TMEM259: variants seen among roughly 807,000 people sequenced by gnomAD.
The protein encoded by TMEM259 is transmembrane protein 259.
Under a neutral mutation model 46.7 loss-of-function variants are expected in TMEM259, and 26 were observed. The ratio of observed to expected loss-of-function variants is 0.56; its 90% CI spans 0.41 to 0.77. The LOEUF is 0.77. Ranked by LOEUF, TMEM259 falls within the 30% of genes least tolerant of loss-of-function variation. The pLI is 0.00. For synonymous variants in TMEM259, 494 were observed against 395.1 expected (o/e 1.25, Z -2.97); for missense variants, 930 against 900.5 (o/e 1.03, Z -0.42).
chr19:1,013,220 C>T (rs1460511297), intron 3 of TMEM259, 21 bp downstream of exon 3: 3 of 1,607,916 alleles, frequency 1.9e-6, no homozygotes, highest in Non-Finnish European at 2.6e-6. Flanking sequence ...TGAGGCAGTA[C>T]ACCTTTGGTG....
chr19:1,014,558 GCGCGCTGGGA>G, intron 1 of TMEM259, 85 bp from the exon 2 acceptor site: 1 of 1,129,976 alleles, frequency 8.8e-7, no homozygotes, highest in Non-Finnish European at 1.2e-6. Flanking sequence ...GCGTGATGGG[GCGCGCTGGGA>G]CGCCCAGGAC....
chr19:1,014,432 G>A lies in TMEM259; in HGVS notation c.267C>T (p.Val89=). Residue 89 remains valine, a synonymous_variant, in exon 2 of 11, where the codon GTC becomes GTT. Transcript: ENST00000356663. ...VLFVLAYIHI[V]FSRSPINCLE... The stretch of plus-strand genomic sequence containing the variant: ...GGCAGTTGATGGGCGAGCGGGAGAA[G>A]ACGATGTGGATGTAGGCCAGGACGA... 6.2e-7 allele frequency: 1 copy of A among 1,612,022 alleles called. No individual in the cohort carries two copies. The highest frequency in any genetic ancestry group is 8.5e-7 in the Non-Finnish European group (1 of 1,179,874).
Position 1,010,698 on chromosome 19 carries a change from G to T in TMEM259, c.1515C>A (p.Val505=). 6.5e-7 allele frequency: 1 copy of T among 1,530,230 alleles called. No homozygotes were observed. The highest frequency in any genetic ancestry group is 8.7e-7 in the Non-Finnish European group (1 of 1,144,508). 94.8% of individuals were successfully genotyped at this position (1,530,230 alleles called of 1,614,324 possible). A position where few individuals can be genotyped will look rare whatever the true frequency, so the allele number is the denominator to read the frequency against. ...SAGQPPALGP[V]SPGASGSPGP... ...CGGGACTCCCGCTGGCCCCAGGCGA[G>T]ACGGGGCCCAGGGCGGGGGGCTGGC... Residue 505 remains valine (V), a synonymous_variant, in exon 11 of 11, where the codon GTC becomes GTA. Transcript: ENST00000356663.
rs553212071 is a variant in TMEM259, at chr19:1,016,037, C to T, written c.226-1564G>A. Among the ~76,000 whole-genome samples, 7 of 152,352 alleles carry T rather than the reference C, an allele frequency of 4.6e-5. 1 individual carries two copies. The South Asian group carries it at 1.4e-3, about 32-fold the overall frequency. On this transcript the variant is annotated intron_variant, in intron 1 of 10. Coordinates refer to ENST00000356663, the MANE Select transcript of TMEM259 (RefSeq NM_001033026.2). ...CCCCAGCCCCAGGAGCTGGAGAATCCCTTGGGCTGATCTGAACTGCATTTC... is the reference window on the plus strand; with the variant it reads ...CCCCAGCCCCAGGAGCTGGAGAATCTCTTGGGCTGATCTGAACTGCATTTC...
At position 1,009,944 on chromosome 19, in the gene TMEM259, CAGAGCCGGGCT is replaced by C; in HGVS notation, c.*395_*405del. 3.1e-6 allele frequency: 1 copy of C among 323,534 alleles called. No individual in the cohort carries two copies. Among genetic ancestry groups the C allele is most frequent in the Non-Finnish European group, 5.6e-6 (1 of 177,318 alleles). The allele number at this position is 323,534 out of a possible 1,614,324, so 20.0% of individuals were successfully genotyped here. A position where few individuals can be genotyped will look rare whatever the true frequency, so the allele number is the denominator to read the frequency against. On this transcript the variant is annotated 3_prime_UTR_variant, in exon 11 of 11. Transcript: ENST00000356663. ...AGAAGGCACTGCAGGGAGCACCAGG[CAGAGCCGGGCT>C]GAGGCCGGCCGGCACTAGGGCGCGA... is the stretch of plus-strand genomic sequence containing the variant.
At chr19:1,017,980 T>C (rs2039164940) in intron 1 of TMEM259, among the ~76,000 whole-genome samples, 1 of 151,952 alleles carries the variant, frequency 6.6e-6, no homozygotes, top group Admixed American at 6.5e-5. Flanking sequence ...CCCTGGGGTC[T>C]CACATACCCC....
chr19:1,012,223 G>A (rs756632385), intron 4 of TMEM259, 35 bp from the exon 5 acceptor site: 11 of 1,574,206 alleles, frequency 7.0e-6, no homozygotes, highest in South Asian at 3.5e-5. Context: ...CGGGAGCCCC[G>A]CCCAGGCCAC....
chr19:1,016,488 C>T (rs1223382301), intron 1 of TMEM259, among the ~76,000 whole-genome samples: 1 of 152,238 alleles, frequency 6.6e-6, no homozygotes, highest in African/African-American at 2.4e-5. Context: ...GCCTTCCAGG[C>T]CCACACATCC....
At chr19:1,012,363 C>T (rs1038192167) in intron 4 of TMEM259, 100 bp downstream of exon 4, 2 of 1,504,084 alleles carry the variant, frequency 1.3e-6, no homozygotes, top group Admixed American at 4.2e-5. Flanking sequence ...GACCCCAGTG[C>T]TTCCTGCACA....
intron 3 of TMEM259, 37 bp from the exon 4 acceptor site, chr19:1,012,610 A>G: frequency 1.9e-6 from 3 of 1,545,390 alleles, no homozygotes; most frequent in Non-Finnish European, 2.6e-6. Flanking sequence ...CAGCGCCCCC[A>G]CACACGTCCC....
intron 1 of TMEM259, among the ~76,000 whole-genome samples, chr19:1,015,884 C>T (rs1046588923): frequency 6.6e-6 from 1 of 152,178 alleles, no homozygotes; most frequent in Non-Finnish European, 1.5e-5. Context: ...GAGCAAAGGG[C>T]CGAGTCAGCA....
In TMEM259 at chr19:1,011,592, G is replaced by A. The variant is rs1222204966; in HGVS notation, c.1072C>T (p.Leu358=). Residue 358 remains leucine, a synonymous_variant, in exon 8 of 11, where the codon CTG becomes TTG. Coordinates refer to ENST00000356663, the MANE Select transcript of TMEM259 (RefSeq NM_001033026.2). ...GTGGGGTCCTCACCGACGAGGGCCA[G>A]GATGACGGTCAGCAGGGGCGCTGCG... ...FPAAPLLTVI[L]ALVGMEAIMS... The A allele has an allele frequency of 2.6e-6, 4 of 1,544,608 alleles. No homozygotes were observed. The highest frequency in any genetic ancestry group is 3.5e-6 in the Non-Finnish European group (4 of 1,145,414).
chr19:1,012,643 G>A (rs1280282735), intron 3 of TMEM259, 70 bp from the exon 4 acceptor site: 4 of 1,521,144 alleles, frequency 2.6e-6, no homozygotes, highest in African/African-American at 1.4e-5. Context: ...AGCAGGCAAG[G>A]CAGGCGTTGA....
In TMEM259 at chr19:1,011,883, G is replaced by A. The variant is rs1214463402; in HGVS notation, c.942+9C>T. On this transcript the variant is annotated intron_variant, in intron 6 of 10. Transcript: ENST00000356663. ...CGGCCAGCCCCCGCACCCGCCCCGA[G>A]GCACTCACGAAGATGACCATGATGG... is the stretch of plus-strand genomic sequence containing the variant. 8.7e-6 allele frequency: 14 copies of A among 1,606,386 alleles called. No individual in the cohort carries two copies. The Admixed American group carries it at 1.0e-4, about 12-fold the overall frequency.
At chr19:1,012,612 A>T in intron 3 of TMEM259, 39 bp from the exon 4 acceptor site, 2 of 1,541,936 alleles carry the variant, frequency 1.3e-6, no homozygotes, top group South Asian at 2.4e-5. Flanking sequence ...GCGCCCCCAC[A>T]CACGTCCCCC....
In TMEM259 at chr19:1,011,514, G is replaced by A. The variant is rs1030787052; in HGVS notation, c.1085-15C>T. ...GGCCTCCATCCCTGCAGGGAGAGGC[G>A]GCGCCGGTTGAAGCGGGCGGGGCGG... On this transcript the variant is annotated splice_polypyrimidine_tract_variant and intron_variant, in intron 8 of 10. Coordinates refer to ENST00000356663, the MANE Select transcript of TMEM259 (RefSeq NM_001033026.2). 5.8e-6 allele frequency: 9 copies of A among 1,545,156 alleles called. No homozygotes were observed. The highest frequency in any genetic ancestry group is 3.9e-5 in the Admixed American group (2 of 50,878).
Position 1,010,420 on chromosome 19 carries a change from C to A in TMEM259, c.1793G>T (p.Gly598Val), listed in dbSNP as rs745790852. The A allele has an allele frequency of 1.0e-5, 16 of 1,531,612 alleles. No individual in the cohort carries two copies. Among genetic ancestry groups the A allele is most frequent in the Non-Finnish European group, 1.4e-5 (16 of 1,142,062 alleles). 94.9% of individuals were successfully genotyped at this position (1,531,612 alleles called of 1,614,324 possible). Residue 598 changes from glycine (G) to valine (V), a missense_variant, in exon 11 of 11, where the codon GGG becomes GTG. Gly to Val is a moderately radical substitution (Grantham distance 109). Transcript: ENST00000356663. ...CGGGCTAGGCCCGCCTACCGCAGCC[C>A]CCAGGGGAGTTGTGTCAGAAGCTGC... is the stretch of plus-strand genomic sequence containing the variant. Reference protein sequence around the residue: ...DSAASDTTPLGAAVGGPSPAS... With the variant: ...DSAASDTTPLVAAVGGPSPAS...
At chr19:1,011,859 G>A (rs376540839) in intron 6 of TMEM259, 33 bp downstream of exon 6, 75 of 1,499,036 alleles carry the variant, frequency 5.0e-5, no homozygotes, top group Middle Eastern at 1.7e-4. Flanking sequence ...GCTCCCGCCC[G>A]GCCAGCCCCC....
chr19:1,014,577 A>G, intron 1 of TMEM259, 104 bp from the exon 2 acceptor site: 2 of 1,331,024 alleles, frequency 1.5e-6, no homozygotes, highest in Non-Finnish European at 2.0e-6. Context: ...GACGCCCAGG[A>G]CGGGGAAAGG....
Sources: allele counts gnomAD v4.1 joint callset (sites outside exome capture counted in the v4.1 genomes callset), GRCh38; gene constraint gnomAD v4.1.1; transcripts MANE v1.5; gene names NCBI Gene and HGNC (gene_info 2026-07-23, HGNC 2026-07-21).